UBA6: variants seen among roughly 807,000 people sequenced by gnomAD.
The protein encoded by UBA6 is ubiquitin like modifier activating enzyme 6, also known as ubiquitin-like modifier-activating enzyme 6.
In UBA6, 87 loss-of-function variants were observed where a neutral mutation model predicts 148.3. That is an observed-to-expected ratio of 0.59 (90% confidence interval 0.49 to 0.70). The LOEUF (loss-of-function observed/expected upper bound fraction) is 0.70. UBA6 is among the 30% of genes least tolerant of loss of function. UBA6 has a pLI of 0.00. For synonymous variants in UBA6, 376 were observed against 401.0 expected, an observed-to-expected ratio of 0.94 and a Z score of 0.75; for missense variants, 1,186 against 1,241.2, an observed-to-expected ratio of 0.96 and a Z score of 0.67.
At chr4:67,683,416 C>G (rs1268494869) in intron 2 of UBA6, among the ~76,000 whole-genome samples, 2 of 152,148 alleles carry the variant, frequency 1.3e-5, no homozygotes, top group African/African-American at 4.8e-5. Flanking sequence ...TCTGACCATT[C>G]TTATAAACAT....
In UBA6 at chr4:67,613,779, T is replaced by C. The variant is rs1577779827; in HGVS notation, c.*5218A>G. On this transcript the variant is annotated 3_prime_UTR_variant, in exon 33 of 33. Coordinates refer to ENST00000322244, the MANE Select transcript of UBA6 (RefSeq NM_018227.6). ...CTACAAACCATAAATTCTCATCAGA[T>C]GGGTTTTATTTAACCCTGTATATTG... The C allele has an allele frequency of 6.6e-6, 1 of 152,348 alleles. No homozygotes were observed. The highest frequency in any genetic ancestry group is 1.9e-4 in the East Asian group (1 of 5,180). The allele number at this position is 152,348 out of a possible 1,614,324, so 9.4% of individuals were successfully genotyped here.
chr4:67,613,562 A>G lies in UBA6; in HGVS notation c.*5435T>C, dbSNP rs1265099318. On this transcript the variant is annotated 3_prime_UTR_variant, in exon 33 of 33. Transcript: ENST00000322244. ...GCTGAGAATAACCAAGATACTCTAA[A>G]AGAACAATAAGTTGGGAGGATTTGT... 6.6e-6 allele frequency: 1 copy of G among 152,222 alleles called. No homozygotes were observed. Among genetic ancestry groups the G allele is most frequent in the East Asian group, 1.9e-4 (1 of 5,206 alleles). The allele number at this position is 152,222 out of a possible 1,614,324, so 9.4% of individuals were successfully genotyped here. A position where few individuals can be genotyped will look rare whatever the true frequency, so the allele number is the denominator to read the frequency against.
chr4:67,654,862 G>GAAAAAA (rs141234627), intron 13 of UBA6, among the ~76,000 whole-genome samples: 1 of 132,166 alleles, frequency 7.6e-6, no homozygotes, highest in Admixed American at 7.6e-5. Context: ...CAAATGGAAA[G>GAAAAAA]AAAAAAAAAA....
In UBA6 at chr4:67,665,203, T is replaced by A; in HGVS notation, c.883A>T (p.Lys295Ter). ...GGIAVQVKTP[K>*]TVFFESLERQ... ...AAAATACTTACAAAAAAAACTGTTT[T>A]AGGAGTCTTAACTTGGACAGCTATG... The change falls in exon 10 of 33, where the codon AAA becomes TAA. Residue 295 changes from lysine to a stop codon, truncating the protein, a stop_gained. Transcript: ENST00000322244. LOFTEE classifies it high-confidence loss of function. 1 of 1,589,710 alleles carries A rather than the reference T, an allele frequency of 6.3e-7. No individual in the cohort carries two copies. Among genetic ancestry groups the A allele is most frequent in the Non-Finnish European group, 8.5e-7 (1 of 1,171,122 alleles).
At chr4:67,641,381 C>T (rs796938826) in intron 17 of UBA6, among the ~76,000 whole-genome samples, 153 bp from the exon 18 acceptor site, 5 of 152,164 alleles carry the variant, frequency 3.3e-5, no homozygotes, top group African/African-American at 1.2e-4. Context: ...AAATAGTTAC[C>T]AATACTACTC....
intron 32 of UBA6, 141 bp from the exon 33 acceptor site, chr4:67,619,273 T>C (rs1299189524): frequency 1.5e-6 from 1 of 655,722 alleles, no homozygotes; most frequent in East Asian, 2.8e-5. Flanking sequence ...CATATTCATT[T>C]TTCTTTACTA....
rs1035311325 is a variant in UBA6, at chr4:67,612,947, T to C, written c.*6050A>G. The C allele has an allele frequency of 1.3e-5, 2 of 152,194 alleles. No homozygotes were observed. Among genetic ancestry groups the C allele is most frequent in the African/African-American group, 2.4e-5 (1 of 41,432 alleles). 9.4% of individuals were successfully genotyped at this position (152,194 alleles called of 1,614,324 possible). ...CCACTGTGTTAGGAGTATTTATAGA[T>C]TGCAAAAGGCCACTGGGAAGTTGAG... On this transcript the variant is annotated 3_prime_UTR_variant, in exon 33 of 33. Coordinates refer to ENST00000322244, the MANE Select transcript of UBA6 (RefSeq NM_018227.6).
chr4:67,631,503 A>C (rs1728996164), intron 25 of UBA6, among the ~76,000 whole-genome samples: 1 of 152,206 alleles, frequency 6.6e-6, no homozygotes, highest in African/African-American at 2.4e-5. Context: ...GTTATTTACC[A>C]TGTAAATGAA....
chr4:67,628,290 C>T (rs1728917679), intron 27 of UBA6, among the ~76,000 whole-genome samples: 1 of 151,688 alleles, frequency 6.6e-6, no homozygotes, highest in Non-Finnish European at 1.5e-5. Context: ...AATATTCTTT[C>T]TTTATCATAG....
intron 2 of UBA6, among the ~76,000 whole-genome samples, chr4:67,687,034 GTT>G (rs71219066): frequency 2.4e-5 from 2 of 82,520 alleles, no homozygotes; most frequent in East Asian, 3.6e-4. Context: ...TTAAGACTAT[GTT>G]TTTTTTTTTT....
In UBA6 at chr4:67,645,507, GA is replaced by G. The variant is rs374272308; in HGVS notation, c.1395+430del. The stretch of plus-strand genomic sequence containing the variant: ...CCAGCTACTCGGGAGGCTGAGGCAA[GA>G]GAATCACTTGAACCAGAGGCAGAGG... On this transcript the variant is annotated intron_variant, in intron 16 of 32. Transcript: ENST00000322244. Among the ~76,000 whole-genome samples the G allele has an allele frequency of 2.8e-3, 419 of 152,070 alleles. 3 individuals carry two copies. Among genetic ancestry groups the G allele is most frequent in the African/African-American group, 9.8e-3 (407 of 41,500 alleles).
chr4:67,651,293 C>A (rs1729548314), intron 13 of UBA6, among the ~76,000 whole-genome samples: 1 of 152,064 alleles, frequency 6.6e-6, no homozygotes, highest in African/African-American at 2.4e-5. Context: ...CAGAAATGAT[C>A]CATTCTACCC....
intron 19 of UBA6, 117 bp downstream of exon 19, chr4:67,638,826 C>A: frequency 4.3e-6 from 3 of 705,812 alleles, no homozygotes; most frequent in Non-Finnish European, 7.0e-6. Context: ...TTGAGGAGTA[C>A]TACAATAGGA....
At chr4:67,668,461 C>CT in intron 9 of UBA6, 90 bp downstream of exon 9, 1 of 1,250,792 alleles carries the variant, frequency 8.0e-7, no homozygotes, top group Non-Finnish European at 1.1e-6. Context: ...TCATGTCTCT[C>CT]TGAGTTGACA....
chr4:67,620,124 A>G (rs753487575), intron 32 of UBA6, among the ~76,000 whole-genome samples: 8 of 151,924 alleles, frequency 5.3e-5, no homozygotes, highest in African/African-American at 9.7e-5. Context: ...TCATCACCTC[A>G]TACTTGAGTC....
At chr4:67,664,068 G>T in intron 10 of UBA6, 121 bp from the exon 11 acceptor site, 1 of 647,206 alleles carries the variant, frequency 1.5e-6, no homozygotes, top group Non-Finnish European at 2.6e-6. Context: ...AATAAAGTAG[G>T]GTTGGGCTGG....
chr4:67,682,548 C>T (rs961329142), intron 2 of UBA6, among the ~76,000 whole-genome samples: 1 of 152,098 alleles, frequency 6.6e-6, no homozygotes, highest in Non-Finnish European at 1.5e-5. Context: ...TCAGTGGCCA[C>T]TATAAGCATT....
At position 67,635,462 on chromosome 4, in the gene UBA6, G is replaced by A; in HGVS notation, c.1833C>T (p.Tyr611=). ...EVIVPHLTES[Y]NSHRDPPEEE... ...ATATTGATTCACTTACATGACTATT[G>A]TAAGACTCAGTCAAATGCGGTACAA... The change falls in exon 20 of 33, where the codon TAC becomes TAT. Residue 611 remains tyrosine, a synonymous_variant. Transcript: ENST00000322244. 1 of 1,583,626 alleles carries A rather than the reference G, an allele frequency of 6.3e-7. No homozygotes were observed. Among genetic ancestry groups the A allele is most frequent in the Non-Finnish European group, 8.7e-7 (1 of 1,152,960 alleles).
At chr4:67,692,257 A>T (rs1730712129) in intron 2 of UBA6, among the ~76,000 whole-genome samples, 1 of 152,208 alleles carries the variant, frequency 6.6e-6, no homozygotes, top group African/African-American at 2.4e-5. Flanking sequence ...TAGACGCCAT[A>T]AGGAAAATCA....
Sources: gnomAD v4.1 joint callset for allele counts (sites outside exome capture counted in the v4.1 genomes callset) on GRCh38, gnomAD v4.1.1 for gene constraint, MANE v1.5 for transcripts, NCBI Gene and HGNC (gene_info 2026-07-23, HGNC 2026-07-21) for gene names.